Variants in TLK2 observed in about 807,000 individuals in gnomAD.
TLK2 encodes tousled like kinase 2.
TLK2 carries 6 observed loss-of-function variants against 117.3 expected under a neutral mutation model. The observed-to-expected ratio is 0.05, with a 90% CI of 0.03 to 0.10. The LOEUF is 0.10. TLK2 is among the 10% of genes least tolerant of loss of function. TLK2 has a pLI of 1.00. For synonymous variants in TLK2, 257 were observed against 316.7 expected, an observed-to-expected ratio of 0.81 and a Z score of 2.00; for missense variants, 299 against 901.2, an observed-to-expected ratio of 0.33 and a Z score of 8.56.
At chr17:62,520,901 G>T in intron 3 of TLK2, 57 bp downstream of exon 3, 2 of 1,589,600 alleles carry the variant, frequency 1.3e-6, no homozygotes, top group South Asian at 2.2e-5. Context: ...GGCCAGGTTT[G>T]GTGGCTCAAG....
At chr17:62,607,364 CA>C (rs869138705) in intron 20 of TLK2, among the ~76,000 whole-genome samples, 460 of 129,424 alleles carry the variant, frequency 3.6e-3, no homozygotes, top group Middle Eastern at 4.0e-3. Context: ...CTAAAATTAC[CA>C]AAAAAAAAAA....
At chr17:62,505,160 C>T (rs888504) in intron 2 of TLK2, among the ~76,000 whole-genome samples, 4 of 151,982 alleles carry the variant, frequency 2.6e-5, no homozygotes, top group Non-Finnish European at 5.9e-5. Flanking sequence ...TTTAAAAGTA[C>T]GTCACTCACA....
upstream of TLK2, among the ~76,000 whole-genome samples, chr17:62,478,702 C>T (rs1373022623): frequency 2.6e-5 from 3 of 113,858 alleles, no homozygotes; most frequent in African/African-American, 8.9e-5. Flanking sequence ...CCACCTTCCT[C>T]GTCCCCTCCC....
intron 2 of TLK2, 76 bp from the exon 3 acceptor site, chr17:62,520,696 AT>A (rs895184442): frequency 4.0e-5 from 53 of 1,311,246 alleles, no homozygotes; most frequent in East Asian, 2.0e-4. Context: ...AAAAAAAAAA[AT>A]CATCAGGCTT....
intron 1 of TLK2, 42 bp from the exon 2 acceptor site, chr17:62,481,079 T>C: frequency 6.3e-7 from 1 of 1,597,870 alleles, no homozygotes; most frequent in Admixed American, 1.7e-5. Flanking sequence ...CCTCCTCACA[T>C]TTTAGTGTTT....
chr17:62,490,590 G>A (rs35127411), intron 2 of TLK2, among the ~76,000 whole-genome samples: 50,580 of 152,004 alleles, frequency 0.33, 8,641 homozygotes, highest in Admixed American at 0.4. Context: ...TTGCCAGGCT[G>A]GAGTGCAATG....
rs539888636 is a variant in TLK2 at position 62,556,001 on chromosome 17, G to A, written c.720+2246G>A. Among the ~76,000 whole-genome samples the A allele has an allele frequency of 9.5e-4, 145 of 152,056 alleles. No homozygotes were observed. In the Middle Eastern group the frequency reaches 0.01, roughly 11 times the overall value. On this transcript the variant is annotated intron_variant, in intron 9 of 21. Coordinates refer to ENST00000346027, the MANE Select transcript of TLK2 (RefSeq NM_006852.6). ...ATTTTTTGAGACAGAGTCTCACTTT[G>A]TCACCCAGGTTCAAGTGATTCTCCT... is the stretch of plus-strand genomic sequence containing the variant.
chr17:62,481,294 C>T, intron 2 of TLK2, 88 bp downstream of exon 2: 6 of 1,449,976 alleles, frequency 4.1e-6, no homozygotes, highest in Non-Finnish European at 5.7e-6. Flanking sequence ...GTAGGCCCTT[C>T]TGATAGTTTG....
At chr17:62,541,588 A>T (rs377688890) in intron 7 of TLK2, among the ~76,000 whole-genome samples, 1 of 148,874 alleles carries the variant, frequency 6.7e-6, no homozygotes. Context: ...ACATAATTCT[A>T]TGTTTTAACA....
At chr17:62,515,488 T>G (rs1226366686) in intron 2 of TLK2, among the ~76,000 whole-genome samples, 1 of 152,186 alleles carries the variant, frequency 6.6e-6, no homozygotes, top group African/African-American at 2.4e-5. Flanking sequence ...ACTTGTTATT[T>G]TGTAGGGTTG....
chr17:62,579,729 G>A (rs1300331484), intron 14 of TLK2, among the ~76,000 whole-genome samples: 5 of 152,188 alleles, frequency 3.3e-5, no homozygotes, highest in African/African-American at 1.2e-4. Context: ...TTTACTGTAT[G>A]TAGTTTTGAA....
chr17:62,531,961 C>G (rs2076769949), intron 6 of TLK2, among the ~76,000 whole-genome samples: 1 of 152,134 alleles, frequency 6.6e-6, no homozygotes. Context: ...GAAGGGTTTC[C>G]TATTGAACCC....
In TLK2 at chr17:62,561,340, AC is replaced by A. The variant is rs1479336291; in HGVS notation, c.831+1217del. Reference sequence around the variant, plus strand: ...ATGATTTATAATCCTTTGGGTATATACCCAGTAATGGGATTGCTAGGTCAAA... The same window carrying A: ...ATGATTTATAATCCTTTGGGTATATACCAGTAATGGGATTGCTAGGTCAAA... On this transcript the variant is annotated intron_variant, in intron 10 of 21. Coordinates refer to ENST00000346027, the MANE Select transcript of TLK2 (RefSeq NM_006852.6). Among the ~76,000 whole-genome samples the A allele has an allele frequency of 5.9e-5, 9 of 152,208 alleles. No individual in the cohort carries two copies. In the East Asian group the frequency reaches 1.7e-3, roughly 29 times the overall value.
intron 7 of TLK2, 141 bp downstream of exon 7, chr17:62,536,478 C>T: frequency 1.1e-6 from 1 of 951,142 alleles, no homozygotes; most frequent in Non-Finnish European, 1.5e-6. Flanking sequence ...TATCATCATT[C>T]CCAAACATGT....
chr17:62,516,835 A>T (rs2075639611), intron 2 of TLK2: 1 of 999,152 alleles, frequency 1.0e-6, no homozygotes, highest in African/African-American at 1.6e-5. Flanking sequence ...TAGGTCTTTG[A>T]TGTGTTTTGA....
intron 12 of TLK2, among the ~76,000 whole-genome samples, chr17:62,576,206 G>A (rs1378940626): frequency 6.6e-6 from 1 of 152,216 alleles, no homozygotes; most frequent in Non-Finnish European, 1.5e-5. Flanking sequence ...GCTTGCGCAA[G>A]GTCACATGGC....
chr17:62,516,217 G>T (rs987117651), intron 2 of TLK2: 3 of 697,650 alleles, frequency 4.3e-6, no homozygotes, highest in Non-Finnish European at 7.4e-6. Flanking sequence ...GAGTCACCGC[G>T]CCCGGCTCTC....
chr17:62,598,003 A>ATCATCTAAATGTAAG (rs2082603930), intron 17 of TLK2, among the ~76,000 whole-genome samples: 4 of 152,236 alleles, frequency 2.6e-5, no homozygotes, highest in African/African-American at 9.6e-5. Flanking sequence ...CTGTGCAGAC[A>ATCATCTAAATGTAAG]GCTGCCTTAC....
At chr17:62,537,600 C>G (rs896878922) in intron 7 of TLK2, among the ~76,000 whole-genome samples, 9 of 152,128 alleles carry the variant, frequency 5.9e-5, no homozygotes, top group Non-Finnish European at 1.0e-4. Context: ...AGAATGGCTT[C>G]CTGTCCAGGT....
Sources: allele counts gnomAD v4.1 joint callset (sites outside exome capture counted in the v4.1 genomes callset), GRCh38; gene constraint gnomAD v4.1.1; transcripts MANE v1.5; gene names NCBI Gene and HGNC (gene_info 2026-07-23, HGNC 2026-07-21).